Variants in ATP8B4 observed in about 807,000 individuals in gnomAD.
ATP8B4 encodes the protein ATPase phospholipid transporting 8B4 (putative).
In ATP8B4, 133 loss-of-function variants were observed where a neutral mutation model predicts 145.6. The observed-to-expected ratio is 0.91, with a 90% CI of 0.79 to 1.05. The LOEUF is 1.05. Ranked by LOEUF, ATP8B4 falls within the 50% of genes least tolerant of loss-of-function variation. The pLI is 0.00. For synonymous variants in ATP8B4, 507 were observed against 492.9 expected (o/e 1.03, Z -0.38); for missense variants, 1,458 against 1,425.2 (o/e 1.02, Z -0.37).
intron 13 of ATP8B4, among the ~76,000 whole-genome samples, chr15:49,968,134 A>G (rs1474844198): frequency 1.3e-5 from 2 of 152,222 alleles, no homozygotes; most frequent in Non-Finnish European, 2.9e-5. Flanking sequence ...AGCACTAAAT[A>G]TGGAAAGGAA....
chr15:50,178,412 G>C (rs1036785094), intron 1 of ATP8B4, among the ~76,000 whole-genome samples: 1 of 152,204 alleles, frequency 6.6e-6, no homozygotes, highest in African/African-American at 2.4e-5. Context: ...AGACAAACTT[G>C]TATAAAAACA....
rs80132282 is a variant in ATP8B4, at chr15:50,010,918, C to A, written c.363-1G>T. 1 of 1,530,690 alleles carries A rather than the reference C, an allele frequency of 6.5e-7. No individual in the cohort carries two copies. Among genetic ancestry groups the A allele is most frequent in the South Asian group, 1.2e-5 (1 of 81,364 alleles). The allele number at this position is 1,530,690 out of a possible 1,614,324, so 94.8% of individuals were successfully genotyped here. A position where few individuals can be genotyped will look rare whatever the true frequency, so the allele number is the denominator to read the frequency against. On this transcript the variant is annotated splice_acceptor_variant, in intron 6 of 27. Coordinates refer to ENST00000284509, the MANE Select transcript of ATP8B4 (RefSeq NM_024837.4). LOFTEE classifies it high-confidence loss of function. ...ATTCATCCATTTTTCATTCTGCAGT[C>A]TAAAAACAAAAATAAAATTAATTTT...
At chr15:50,096,210 G>A (rs1205696700) in intron 2 of ATP8B4, among the ~76,000 whole-genome samples, 1 of 152,168 alleles carries the variant, frequency 6.6e-6, no homozygotes, top group African/African-American at 2.4e-5. Context: ...GAATCTGCAT[G>A]AGGGTCATGA....
rs760200435 is a variant in ATP8B4 at position 49,981,314 on chromosome 15, T to C, written c.749-20A>G. Reference sequence around the variant, plus strand: ...CAGGACCTGCAAAAACAAAAAAAAGTAAATAACTTTGAAATGATATGATTA... The same window carrying C: ...CAGGACCTGCAAAAACAAAAAAAAGCAAATAACTTTGAAATGATATGATTA... On this transcript the variant is annotated intron_variant, in intron 10 of 27. Transcript: ENST00000284509. 4 of 1,535,402 alleles carry C rather than the reference T, an allele frequency of 2.6e-6. No homozygotes were observed. Among genetic ancestry groups the C allele is most frequent in the East Asian group, 4.5e-5 (2 of 44,364 alleles).
intron 1 of ATP8B4, among the ~76,000 whole-genome samples, chr15:50,147,652 CT>C (rs1306019573): frequency 1.3e-5 from 2 of 152,174 alleles, no homozygotes; most frequent in Non-Finnish European, 2.9e-5. Flanking sequence ...TCAGAACATG[CT>C]CAAAAGCTGA....
intron 1 of ATP8B4, among the ~76,000 whole-genome samples, chr15:50,108,182 A>C (rs1386627446): frequency 6.6e-6 from 1 of 151,316 alleles, no homozygotes; most frequent in Non-Finnish European, 1.5e-5. Context: ...GCTGCCCAAG[A>C]CCATCCCTCC....
intron 2 of ATP8B4, among the ~76,000 whole-genome samples, chr15:50,084,148 A>G (rs538727274): frequency 6.6e-6 from 1 of 152,192 alleles, no homozygotes; most frequent in Non-Finnish European, 1.5e-5. Flanking sequence ...CCGTGATGTA[A>G]CGAAAAGGAA....
At chr15:49,871,961 G>C (rs2033730728) in intron 25 of ATP8B4, among the ~76,000 whole-genome samples, 1 of 152,172 alleles carries the variant, frequency 6.6e-6, no homozygotes, top group Non-Finnish European at 1.5e-5. Context: ...TATGGATAAG[G>C]TATAGGGAAC....
chr15:50,111,472 TG>T (rs1239620062), intron 1 of ATP8B4, among the ~76,000 whole-genome samples: 1 of 152,230 alleles, frequency 6.6e-6, no homozygotes, highest in African/African-American at 2.4e-5. Flanking sequence ...AGATCTGTTT[TG>T]GGTGTGCTAT....
At chr15:50,171,566 G>A (rs1313778650) in intron 1 of ATP8B4, among the ~76,000 whole-genome samples, 1 of 152,094 alleles carries the variant, frequency 6.6e-6, no homozygotes, top group Admixed American at 6.5e-5. Context: ...GGTGCTAAGA[G>A]GAAAGTTCAT....
At chr15:49,890,063 C>T (rs1276235717) in intron 23 of ATP8B4, among the ~76,000 whole-genome samples, 1 of 152,140 alleles carries the variant, frequency 6.6e-6, no homozygotes, top group East Asian at 1.9e-4. Flanking sequence ...ATTTGTTATG[C>T]ATTTATGAAA....
intron 1 of ATP8B4, among the ~76,000 whole-genome samples, chr15:50,180,692 C>T (rs11854761): frequency 3.3e-5 from 5 of 152,038 alleles, no homozygotes; most frequent in East Asian, 1.9e-4. Flanking sequence ...TGGTTTCTGT[C>T]GGGCCCTCAC....
chr15:50,057,518 C>A (rs2052697084), intron 3 of ATP8B4, among the ~76,000 whole-genome samples: 1 of 152,220 alleles, frequency 6.6e-6, no homozygotes. Context: ...CAGAACCTCT[C>A]TAAACTAAAG....
intron 9 of ATP8B4, among the ~76,000 whole-genome samples, chr15:49,990,462 G>A (rs1274308240): frequency 6.6e-6 from 1 of 152,036 alleles, no homozygotes; most frequent in Non-Finnish European, 1.5e-5. Flanking sequence ...CAAACTAGCT[G>A]GTCATATCTG....
At chr15:49,886,510 GA>G (rs2036205975) in intron 23 of ATP8B4, among the ~76,000 whole-genome samples, 1 of 152,128 alleles carries the variant, frequency 6.6e-6, no homozygotes, top group South Asian at 2.1e-4. Context: ...TATAAAAATA[GA>G]ATTCTTTATT....
At chr15:50,064,194 G>T (rs1600150512) in intron 3 of ATP8B4, among the ~76,000 whole-genome samples, 1 of 152,218 alleles carries the variant, frequency 6.6e-6, no homozygotes, top group African/African-American at 2.4e-5. Context: ...TATAAAAAAA[G>T]CCCTTCTTCC....
At chr15:49,947,024 T>C (rs2042622536) in intron 14 of ATP8B4, among the ~76,000 whole-genome samples, 1 of 152,234 alleles carries the variant, frequency 6.6e-6, no homozygotes, top group African/African-American at 2.4e-5. Context: ...ACTGTAAACA[T>C]CTATGTCCAG....
At chr15:50,137,618 A>T (rs371078113) in intron 1 of ATP8B4, among the ~76,000 whole-genome samples, 39 of 152,368 alleles carry the variant, frequency 2.6e-4, no homozygotes, top group African/African-American at 9.1e-4. Flanking sequence ...CAAGAAATGC[A>T]TAACAAACAA....
chr15:49,922,487 C>T, intron 17 of ATP8B4: 1 of 375,636 alleles, frequency 2.7e-6, no homozygotes, highest in Non-Finnish European at 5.2e-6. Flanking sequence ...ATTACCAAAC[C>T]ATCATTTTTT....
Sources: gnomAD v4.1 joint callset for allele counts (sites outside exome capture counted in the v4.1 genomes callset) on GRCh38, gnomAD v4.1.1 for gene constraint, MANE v1.5 for transcripts, NCBI Gene and HGNC (gene_info 2026-07-23, HGNC 2026-07-21) for gene names.